Variants in ZNF831 observed in about 807,000 individuals in gnomAD.
ZNF831 encodes zinc finger protein 831, also known as chromosome 20 open reading frame 174.
ZNF831 carries 59 observed loss-of-function variants against 95.8 expected under a neutral mutation model. The observed-to-expected ratio is 0.62, with a 90% CI of 0.50 to 0.77. The LOEUF (loss-of-function observed/expected upper bound fraction) is 0.77, where lower values mean the gene tolerates loss of function less well. Ranked by LOEUF, ZNF831 falls within the 30% of genes least tolerant of loss-of-function variation. ZNF831 has a pLI of 0.00. For synonymous variants in ZNF831, 961 were observed against 925.5 expected (o/e 1.04, Z -0.70); for missense variants, 2,205 against 2,164.0 (o/e 1.02, Z -0.38).
rs559637923 is a variant in ZNF831 at position 59,151,449 on chromosome 20, T to A, written c.-1281+5075T>A. Among the ~76,000 whole-genome samples, 3 of 152,302 alleles carry A rather than the reference T, an allele frequency of 2.0e-5. No individual in the cohort carries two copies. In the South Asian group the frequency reaches 6.2e-4, roughly 32 times the overall value. On this transcript the variant is annotated intron_variant, in intron 2 of 7. Coordinates refer to the ZNF831 transcript ENST00000637017. ...GGTGTTTATGATACACCCGACCCTG[T>A]GCTAGCATCTTGTGCTTAATTCTCC... is the stretch of plus-strand genomic sequence containing the variant.
Position 59,254,792 on chromosome 20 carries a change from A to G in ZNF831, c.*49A>G, listed in dbSNP as rs1167611267. ...TGGTCAAAAAGACTGTTGACGCTTC[A>G]CAAGTAAATGTTGTCAGGCTGGCGG... is the stretch of plus-strand genomic sequence containing the variant. On this transcript the variant is annotated 3_prime_UTR_variant, in exon 6 of 6. Coordinates refer to ENST00000371030, the MANE Select transcript of ZNF831 (RefSeq NM_178457.3). The surrounding 1 kb of genome is among the most constrained non-coding windows in gnomAD (Gnocchi z 4.5). The G allele has an allele frequency of 1.3e-6, 2 of 1,552,180 alleles. No homozygotes were observed. The highest frequency in any genetic ancestry group is 1.7e-6 in the Non-Finnish European group (2 of 1,155,280).
chr20:59,174,604 C>T (rs1428000297), intron 1 of ZNF831, among the ~76,000 whole-genome samples: 1 of 152,114 alleles, frequency 6.6e-6, no homozygotes, highest in African/African-American at 2.4e-5. Context: ...AATCCCAGGA[C>T]TTTGGGATGC....
chr20:59,252,473 A>G (rs1313905139), intron 4 of ZNF831, among the ~76,000 whole-genome samples: 1 of 152,148 alleles, frequency 6.6e-6, no homozygotes, highest in East Asian at 1.9e-4. Context: ...TCCTTCCACA[A>G]TCACAACAAT....
intron 4 of ZNF831, among the ~76,000 whole-genome samples, chr20:59,239,464 C>T (rs73618660): frequency 0.098 from 14,833 of 151,974 alleles, 951 homozygotes; most frequent in East Asian, 0.32. Flanking sequence ...CAACTGCTTA[C>T]GGTTCAAGTT....
intron 3 of ZNF831, among the ~76,000 whole-genome samples, chr20:59,202,894 A>C (rs924615934): frequency 1.3e-5 from 2 of 152,204 alleles, no homozygotes; most frequent in African/African-American, 2.4e-5. Context: ...AACATACGTA[A>C]ATTTAAATAT....
At chr20:59,204,985 C>T (rs1382801823) in intron 3 of ZNF831, among the ~76,000 whole-genome samples, 1 of 152,180 alleles carries the variant, frequency 6.6e-6, no homozygotes, top group Non-Finnish European at 1.5e-5. Context: ...TTCTCGAAGG[C>T]AAAAAGTTTG....
chr20:59,186,667 G>A (rs1983069065), intron 1 of ZNF831, among the ~76,000 whole-genome samples: 1 of 152,214 alleles, frequency 6.6e-6, no homozygotes, highest in Non-Finnish European at 1.5e-5. Flanking sequence ...GCAGCGTCTT[G>A]AGGTAAGCCT....
chr20:59,133,424 G>A (rs185167559), intron 1 of ZNF831, among the ~76,000 whole-genome samples: 59 of 152,202 alleles, frequency 3.9e-4, no homozygotes, highest in East Asian at 1.4e-3. Context: ...CACCTCCCCC[G>A]TCAAGTTCTT....
At chr20:59,126,329 C>T (rs945673670) in intron 1 of ZNF831, among the ~76,000 whole-genome samples, 1 of 152,162 alleles carries the variant, frequency 6.6e-6, no homozygotes, top group Non-Finnish European at 1.5e-5. Flanking sequence ...TTCAGCCATT[C>T]AGAAGTGCTG....
At chr20:59,213,410 C>T (rs138875932) in intron 4 of ZNF831, among the ~76,000 whole-genome samples, 19 of 152,204 alleles carry the variant, frequency 1.2e-4, no homozygotes, top group African/African-American at 3.9e-4. Flanking sequence ...TGTGGTATTG[C>T]GAATTAATTG....
At chr20:59,250,435 A>G (rs1236658184) in intron 4 of ZNF831, among the ~76,000 whole-genome samples, 1 of 152,234 alleles carries the variant, frequency 6.6e-6, no homozygotes, top group Non-Finnish European at 1.5e-5. Context: ...GGGCAACCAC[A>G]TAACCTAACA....
intron 1 of ZNF831, among the ~76,000 whole-genome samples, chr20:59,127,526 G>T (rs1433142714): frequency 1.3e-5 from 2 of 152,172 alleles, no homozygotes; most frequent in South Asian, 2.1e-4. Flanking sequence ...TGCCACAAAT[G>T]CGTGTTTCAG....
upstream of ZNF831, among the ~76,000 whole-genome samples, chr20:59,163,584 A>G (rs1981016854): frequency 1.3e-5 from 2 of 152,148 alleles, no homozygotes; most frequent in African/African-American, 4.8e-5. Context: ...TCTAATTCTT[A>G]AACTTGCCTG....
chr20:59,238,202 G>C (rs1987112486), intron 4 of ZNF831, among the ~76,000 whole-genome samples: 2 of 152,056 alleles, frequency 1.3e-5, no homozygotes, highest in Admixed American at 6.6e-5. Flanking sequence ...TCTTAATCCT[G>C]ATCAGTTTGG....
rs1376404029 is a variant in ZNF831 at position 59,208,169 on chromosome 20, G to A, written c.4027+1113G>A. Among the ~76,000 whole-genome samples the A allele has an allele frequency of 1.3e-5, 2 of 152,238 alleles. No homozygotes were observed. Among genetic ancestry groups the A allele is most frequent in the Non-Finnish European group, 1.5e-5 (1 of 68,046 alleles). ...CATGTGGGAGAGGCTGGGATGCAGGGGGTTGGGTAGGTGGAAATTCCATCA... is the reference window on the plus strand; with the variant it reads ...CATGTGGGAGAGGCTGGGATGCAGGAGGTTGGGTAGGTGGAAATTCCATCA... On this transcript the variant is annotated intron_variant, in intron 4 of 5. Transcript: ENST00000371030. The surrounding 1 kb of genome is among the most constrained non-coding windows in gnomAD (Gnocchi z 4.2).
intron 1 of ZNF831, among the ~76,000 whole-genome samples, chr20:59,184,689 A>G (rs1040145487): frequency 6.6e-6 from 1 of 152,192 alleles, no homozygotes; most frequent in East Asian, 1.9e-4. Flanking sequence ...CCCAAGTTCT[A>G]TCTGCTAAAC....
At chr20:59,239,956 G>C (rs1987229059) in intron 4 of ZNF831, among the ~76,000 whole-genome samples, 1 of 152,218 alleles carries the variant, frequency 6.6e-6, no homozygotes, top group Non-Finnish European at 1.5e-5. Context: ...CAGGTAGACA[G>C]CCCTGTGCTA....
At chr20:59,222,737 G>T (rs1986172773) in intron 4 of ZNF831, among the ~76,000 whole-genome samples, 1 of 152,198 alleles carries the variant, frequency 6.6e-6, no homozygotes. Flanking sequence ...TCGCTCCGCG[G>T]CGCAGCACGG....
At chr20:59,142,169 G>C (rs1303891341) in intron 1 of ZNF831, among the ~76,000 whole-genome samples, 2 of 152,190 alleles carry the variant, frequency 1.3e-5, no homozygotes, top group Admixed American at 6.5e-5. Context: ...TTGAGTGATG[G>C]GTAGTAGAGA....
Sources: gnomAD v4.1 joint callset for allele counts (sites outside exome capture counted in the v4.1 genomes callset) on GRCh38, gnomAD v4.1.1 for gene constraint, Gnocchi (gnomAD v3.1) non-coding constraint, MANE v1.5 for transcripts, NCBI Gene and HGNC (gene_info 2026-07-23, HGNC 2026-07-21) for gene names.